Variants in LRRC49 observed in about 807,000 individuals in gnomAD.
LRRC49 encodes the protein leucine-rich repeat-containing protein 49.
Under a neutral mutation model 83.3 loss-of-function variants are expected in LRRC49, and 50 were observed. The ratio of observed to expected loss-of-function variants is 0.60; its 90% confidence interval spans 0.48 to 0.76. LRRC49 has a LOEUF of 0.76. LRRC49 is among the 30% of genes least tolerant of loss of function. The pLI is 0.00. For missense variants in LRRC49, 704 were observed against 809.1 expected (o/e 0.87, Z 1.58); for synonymous variants, 286 against 283.3 (o/e 1.01, Z -0.10).
At chr15:70,861,301 G>T (rs1414307480) in intron 1 of LRRC49, among the ~76,000 whole-genome samples, 3 of 151,816 alleles carry the variant, frequency 2.0e-5, no homozygotes, top group Non-Finnish European at 4.4e-5. Flanking sequence ...AACATTTATT[G>T]CATGGCAAAA....
chr15:70,892,943 G>GTA lies in LRRC49; in HGVS notation c.48+2_48+3dup. On this transcript the variant is annotated splice_donor_variant, in intron 1 of 15. Coordinates refer to ENST00000260382, the MANE Select transcript of LRRC49 (RefSeq NM_017691.5). LOFTEE classifies it high-confidence loss of function. ...TGTTTCTGGCCGGGCTGCGAACAAC[G>GTA]TAAGTTGGGCCTTCTACTTTCTCTT... The GTA allele has an allele frequency of 6.2e-7, 1 of 1,614,170 alleles. No homozygotes were observed. Among genetic ancestry groups the GTA allele is most frequent in the East Asian group, 2.2e-5 (1 of 44,886 alleles).
exon 2 of LRRC49, chr15:70,873,121 G>A (rs960526463): frequency 1.3e-5 from 15 of 1,137,064 alleles, no homozygotes; most frequent in African/African-American, 9.2e-5. Context: ...CTGACCTCAA[G>A]TGATCCACCC....
Position 70,864,249 on chromosome 15 carries a change from C to T in LRRC49, c.-298-8659C>T, listed in dbSNP as rs540330854. Among the ~76,000 whole-genome samples the T allele has an allele frequency of 2.1e-4, 32 of 152,226 alleles. No individual in the cohort carries two copies. The South Asian group carries it at 6.2e-3, about 30-fold the overall frequency. On this transcript the variant is annotated intron_variant, in intron 1 of 16. Transcript: ENST00000544974. ...AAAGAGCTCCCCCCAGAATGGGTGA[C>T]AGACTCAGTTTCTCTCCATTTGTCA...
At chr15:70,868,455 C>T (rs903885677) in intron 1 of LRRC49, among the ~76,000 whole-genome samples, 2 of 152,214 alleles carry the variant, frequency 1.3e-5, no homozygotes, top group Non-Finnish European at 2.9e-5. Context: ...TATTTGGTCA[C>T]TCAAAATTGG....
chr15:70,980,704 TTAAA>T (rs757153916), intron 10 of LRRC49, among the ~76,000 whole-genome samples: 10 of 152,114 alleles, frequency 6.6e-5, no homozygotes, highest in South Asian at 2.1e-4. Flanking sequence ...ATTAATTTCC[TTAAA>T]TAAAATATTC....
chr15:70,955,992 A>G (rs1197477262), intron 8 of LRRC49, among the ~76,000 whole-genome samples: 2 of 152,206 alleles, frequency 1.3e-5, no homozygotes, highest in Non-Finnish European at 2.9e-5. Context: ...AACTATTCAG[A>G]AAAATCCTCA....
At chr15:70,868,060 G>T (rs1255246079) in intron 1 of LRRC49, among the ~76,000 whole-genome samples, 2 of 66 alleles carry the variant, frequency 0.03, no homozygotes, top group Non-Finnish European at 0.05. Flanking sequence ...TTGGGGGAAA[G>T]GGAGGGGGGT....
chr15:70,967,880 G>A (rs1277907370), intron 9 of LRRC49, among the ~76,000 whole-genome samples: 6 of 152,108 alleles, frequency 3.9e-5, no homozygotes, highest in East Asian at 3.9e-4. Context: ...TGAATAAATC[G>A]CTGAACCACT....
At chr15:70,986,178 T>A (rs1202698936) in intron 11 of LRRC49, among the ~76,000 whole-genome samples, 20 of 151,668 alleles carry the variant, frequency 1.3e-4, no homozygotes, top group African/African-American at 3.9e-4. Flanking sequence ...AAGAAAGTCA[T>A]TGGTAGCTTG....
intron 3 of LRRC49, chr15:70,898,331 CAATT>C: frequency 1.5e-6 from 1 of 668,868 alleles, no homozygotes; most frequent in South Asian, 1.6e-5. Flanking sequence ...ACTGGAAAAA[CAATT>C]AATTTGTCTA....
At chr15:70,875,297 A>G (rs1024950284) in intron 2 of LRRC49, among the ~76,000 whole-genome samples, 1 of 152,220 alleles carries the variant, frequency 6.6e-6, no homozygotes, top group Non-Finnish European at 1.5e-5. Flanking sequence ...CTAAAATGAG[A>G]GGCCACAAAA....
chr15:70,939,506 TA>T (rs1212138958), intron 8 of LRRC49, among the ~76,000 whole-genome samples: 1 of 152,160 alleles, frequency 6.6e-6, no homozygotes, highest in Non-Finnish European at 1.5e-5. Context: ...GCTTCCAGGT[TA>T]ATTTGCTGAT....
chr15:70,904,858 AAT>A, intron 5 of LRRC49, 103 bp downstream of exon 5: 2 of 816,358 alleles, frequency 2.4e-6, no homozygotes, highest in Non-Finnish European at 3.8e-6. Flanking sequence ...AATAGGCTAA[AAT>A]TTTTTAAAAA....
intron 7 of LRRC49, among the ~76,000 whole-genome samples, chr15:70,921,757 G>A (rs1439009834): frequency 6.6e-6 from 1 of 152,122 alleles, no homozygotes; most frequent in Non-Finnish European, 1.5e-5. Context: ...TAACTCTTTT[G>A]TTAGGGTTTT....
rs116781499 is a variant in LRRC49 at position 70,951,434 on chromosome 15, C to A, written c.774-12351C>A. On this transcript the variant is annotated intron_variant, in intron 8 of 15. Coordinates refer to ENST00000260382, the MANE Select transcript of LRRC49 (RefSeq NM_017691.5). The stretch of plus-strand genomic sequence containing the variant: ...CATTTGTTTATGTTGCCTCTGATTT[C>A]TTTCAGCAATGCATTGTATTGCTCA... Among the ~76,000 whole-genome samples the A allele has an allele frequency of 7.4e-3, 1,128 of 152,164 alleles. 19 individuals are homozygous for A. The highest frequency in any genetic ancestry group is 0.025 in the African/African-American group (1,031 of 41,516).
intron 1 of LRRC49, among the ~76,000 whole-genome samples, chr15:70,872,274 A>G (rs947431358): frequency 1.3e-5 from 2 of 152,226 alleles, no homozygotes; most frequent in Non-Finnish European, 2.9e-5. Flanking sequence ...ACGCGCCTGC[A>G]ATCCCAGGCA....
rs1466441643 is a variant in LRRC49, at chr15:70,963,962, T to C, written c.921+30T>C. The C allele has an allele frequency of 1.9e-6, 3 of 1,600,166 alleles. No individual in the cohort carries two copies. In the East Asian group the frequency reaches 6.7e-5, roughly 36 times the overall value. Reference sequence around the variant, plus strand: ...GAACCCTTCCAAAGTGTTCACCATGTTGTTGTCCTTAGTGTGGATTAGGAA... The same window carrying C: ...GAACCCTTCCAAAGTGTTCACCATGCTGTTGTCCTTAGTGTGGATTAGGAA... On this transcript the variant is annotated intron_variant, in intron 9 of 15. Coordinates refer to ENST00000260382, the MANE Select transcript of LRRC49 (RefSeq NM_017691.5).
At chr15:70,871,833 C>T (rs995419685) in intron 1 of LRRC49, among the ~76,000 whole-genome samples, 2 of 145,030 alleles carry the variant, frequency 1.4e-5, no homozygotes, top group African/African-American at 5.2e-5. Context: ...ACATCTCAGA[C>T]GATGGGCGGC....
At chr15:70,910,493 C>T (rs1021180229) in intron 5 of LRRC49, among the ~76,000 whole-genome samples, 15 of 151,972 alleles carry the variant, frequency 9.9e-5, no homozygotes, top group Non-Finnish European at 1.8e-4. Flanking sequence ...ACAAGGACAA[C>T]GAAAATAGAT....
Sources: allele counts gnomAD v4.1 joint callset (sites outside exome capture counted in the v4.1 genomes callset), GRCh38; gene constraint gnomAD v4.1.1; transcripts MANE v1.5; gene names NCBI Gene and HGNC (gene_info 2026-07-23, HGNC 2026-07-21).